Variants in IGSF11 observed in about 807,000 individuals in gnomAD.
IGSF11 encodes immunoglobulin superfamily member 11.
In IGSF11, 22 loss-of-function variants were observed where a neutral mutation model predicts 41.0. The observed-to-expected ratio is 0.54, with a 90% CI of 0.38 to 0.77. IGSF11 has a LOEUF of 0.77. Among genes scored for constraint, IGSF11 ranks in the 30% least tolerant of loss-of-function variants. IGSF11 has a pLI of 0.00. For synonymous variants in IGSF11, 219 were observed against 201.3 expected (o/e 1.09, Z -0.74); for missense variants, 444 against 530.8 (o/e 0.84, Z 1.61).
At chr3:119,126,846 CA>C (rs1204057812) in intron 1 of IGSF11, among the ~76,000 whole-genome samples, 2 of 147,886 alleles carry the variant, frequency 1.4e-5, no homozygotes, top group African/African-American at 4.9e-5. Context: ...ACAACAACAA[CA>C]AAAAGGCATC....
intron 1 of IGSF11, among the ~76,000 whole-genome samples, chr3:119,016,999 A>C (rs2107705043): frequency 6.7e-6 from 1 of 150,236 alleles, no homozygotes; most frequent in Middle Eastern, 3.4e-3. Context: ...CAGTAAACAG[A>C]TATGGGCTAA....
At chr3:119,022,390 T>C (rs1324115497) in intron 1 of IGSF11, among the ~76,000 whole-genome samples, 3 of 152,174 alleles carry the variant, frequency 2.0e-5, no homozygotes, top group Non-Finnish European at 2.9e-5. Context: ...TGCCACCAAA[T>C]CATATACTTA....
intron 1 of IGSF11, among the ~76,000 whole-genome samples, chr3:119,094,240 A>AAAAAAAAAAAAAAAAAAAAAAAAC (rs2076812173): frequency 6.8e-6 from 1 of 146,870 alleles, no homozygotes; most frequent in Non-Finnish European, 1.5e-5. Context: ...AAAAAAAAAA[A>AAAAAAAAAAAAAAAAAAAAAAAAC]AAAAAAAAAA....
At chr3:118,987,224 G>A (rs1935346068) in intron 1 of IGSF11, among the ~76,000 whole-genome samples, 1 of 152,288 alleles carries the variant, frequency 6.6e-6, no homozygotes, top group East Asian at 1.9e-4. Flanking sequence ...ATGCAAAATA[G>A]AATGCCTAAC....
chr3:118,998,541 G>C (rs1232660489), intron 1 of IGSF11, among the ~76,000 whole-genome samples: 3 of 151,164 alleles, frequency 2.0e-5, no homozygotes, highest in Non-Finnish European at 4.4e-5. Context: ...TTCATTTATG[G>C]TGAATAAGTA....
At position 119,112,468 on chromosome 3, in the gene IGSF11, A is replaced by G. The variant is rs551305425; in HGVS notation, c.-13-7263T>C. Among the ~76,000 whole-genome samples the G allele has an allele frequency of 3.3e-5, 5 of 152,208 alleles. No individual in the cohort carries two copies. In the East Asian group the frequency reaches 7.8e-4, roughly 24 times the overall value. ...TGGAAAAGCGCAGTATTTGGGTGGG[A>G]GTGACCCGATTTTCCAGGTGCCGTC... is the stretch of plus-strand genomic sequence containing the variant. On this transcript the variant is annotated intron_variant, in intron 1 of 7. Coordinates refer to the IGSF11 transcript ENST00000425327.
intron 1 of IGSF11, among the ~76,000 whole-genome samples, chr3:119,017,039 C>CAAAAAAAAAA (rs60190891): frequency 4.5e-5 from 4 of 88,334 alleles, no homozygotes; most frequent in Non-Finnish European, 7.5e-5. Flanking sequence ...GGACGCAGGA[C>CAAAAAAAAAA]AAAAAAAAAA....
intron 1 of IGSF11, among the ~76,000 whole-genome samples, chr3:119,025,695 T>C (rs1021990901): frequency 6.6e-6 from 1 of 151,924 alleles, no homozygotes; most frequent in African/African-American, 2.4e-5. Flanking sequence ...TAGTCAGACA[T>C]ACTGGGTTTG....
rs368892881 is a variant in IGSF11, at chr3:119,095,773, C to T, written c.49+9371G>A. 7.6e-4 allele frequency among the ~76,000 whole-genome samples: 115 copies of T among 152,284 alleles called. 2 individuals carry two copies. In the South Asian group the frequency reaches 0.014, roughly 18 times the overall value. ...TAAACTTGGAGATTCAGCACTTTCA[C>T]AGTTAGCAAGCCTATTCTTTGGGGG... On this transcript the variant is annotated intron_variant, in intron 1 of 6. Transcript: ENST00000354673.
Position 118,902,894 on chromosome 3 carries a change from T to G in IGSF11, c.922A>C (p.Asn308His). ...AFHTEISSSD[N>H]NTLTSSNAYN... ...GCATTGGAAGAGGTTAGTGTGTTGT[T>G]GTCCGAGGAGGAAATCTCAGTGTGA... is the stretch of plus-strand genomic sequence containing the variant. Residue 308 changes from asparagine to histidine, a missense_variant, in exon 7 of 7, where the codon AAC becomes CAC. Around this residue, in one of 3 missense-constraint regions of IGSF11, gnomAD observed 223 missense variants for 226.2 expected, o/e 0.99. Coordinates refer to ENST00000393775, the MANE Select transcript of IGSF11 (RefSeq NM_001015887.3). The G allele has an allele frequency of 6.2e-7, 1 of 1,614,182 alleles. No individual in the cohort carries two copies. The highest frequency in any genetic ancestry group is 8.5e-7 in the Non-Finnish European group (1 of 1,180,002).
intron 1 of IGSF11, among the ~76,000 whole-genome samples, chr3:119,048,082 A>C (rs75938560): frequency 0.21 from 31,028 of 150,484 alleles, 3,480 homozygotes; most frequent in Non-Finnish European, 0.25. Context: ...ATCACAATTA[A>C]AAGAACTAGA....
At chr3:119,107,728 A>G (rs1044883441), upstream of IGSF11, among the ~76,000 whole-genome samples, 43 of 152,168 alleles carry the variant, frequency 2.8e-4, no homozygotes, top group African/African-American at 9.4e-4. Context: ...TAGGTCTAAC[A>G]TTTAAGTCTT....
intron 1 of IGSF11, among the ~76,000 whole-genome samples, chr3:118,952,321 C>G (rs1944632994): frequency 6.6e-6 from 1 of 152,166 alleles, no homozygotes; most frequent in African/African-American, 2.4e-5. Flanking sequence ...TACTTTGACA[C>G]TCCTTTCATG....
chr3:118,985,517 G>A (rs562609749), intron 1 of IGSF11, among the ~76,000 whole-genome samples: 6 of 152,142 alleles, frequency 3.9e-5, no homozygotes, highest in South Asian at 2.1e-4. Context: ...ACTGGCTGCC[G>A]GTCTTCCCTC....
chr3:118,934,958 C>T (rs1456401181), intron 1 of IGSF11, among the ~76,000 whole-genome samples: 2 of 152,018 alleles, frequency 1.3e-5, no homozygotes, highest in East Asian at 3.9e-4. Flanking sequence ...CTCATAAACC[C>T]CAGCTTCTTT....
At chr3:118,971,795 T>G (rs930280694) in intron 1 of IGSF11, among the ~76,000 whole-genome samples, 1 of 134,212 alleles carries the variant, frequency 7.5e-6, no homozygotes, top group Non-Finnish European at 1.5e-5. Context: ...AGAGGGAGAC[T>G]CCGTCTCAAA....
upstream of IGSF11, among the ~76,000 whole-genome samples, chr3:119,110,161 T>G (rs1444203180): frequency 1.3e-5 from 2 of 152,084 alleles, no homozygotes; most frequent in African/African-American, 4.8e-5. Flanking sequence ...CTTTCTGTCT[T>G]GTAGATCTGA....
intron 1 of IGSF11, among the ~76,000 whole-genome samples, chr3:119,017,316 C>CA (rs1429185610): frequency 1.3e-5 from 2 of 151,264 alleles, no homozygotes; most frequent in East Asian, 3.9e-4. Context: ...TATGGTGGAG[C>CA]ATCTACACTA....
At chr3:119,005,088 T>C (rs895854221) in intron 1 of IGSF11, among the ~76,000 whole-genome samples, 1 of 148,210 alleles carries the variant, frequency 6.7e-6, no homozygotes, top group East Asian at 2.0e-4. Flanking sequence ...TTATTAATGT[T>C]TGGGAGTCTA....
Sources: gnomAD v4.1 joint callset for allele counts (sites outside exome capture counted in the v4.1 genomes callset) on GRCh38, gnomAD v4.1.1 for gene constraint, gnomAD v4.1.1 regional missense constraint, MANE v1.5 for transcripts, NCBI Gene and HGNC (gene_info 2026-07-23, HGNC 2026-07-21) for gene names.